DDHD1: variants seen among roughly 807,000 people sequenced by gnomAD.
DDHD1 encodes the protein DDHD domain containing 1, also known as phospholipase DDHD1.
In DDHD1, 49 loss-of-function variants were observed where a neutral mutation model predicts 96.4. That is an observed-to-expected ratio of 0.51 (90% CI 0.40 to 0.64). The LOEUF (loss-of-function observed/expected upper bound fraction) is 0.64. Among genes scored for constraint, DDHD1 ranks in the 30% least tolerant of loss-of-function variants. The pLI is 0.00. For synonymous variants in DDHD1, 442 were observed against 446.5 expected, an observed-to-expected ratio of 0.99 and a Z score of 0.13; for missense variants, 1,106 against 1,161.2, an observed-to-expected ratio of 0.95 and a Z score of 0.69.
chr14:53,107,926 T>C (rs1193091071), intron 1 of DDHD1, among the ~76,000 whole-genome samples: 1 of 152,130 alleles, frequency 6.6e-6, no homozygotes, highest in African/African-American at 2.4e-5. Context: ...GGTAAAGAAA[T>C]AGCCAATCAT....
chr14:53,084,194 A>G (rs1885731819), intron 4 of DDHD1, among the ~76,000 whole-genome samples: 1 of 152,210 alleles, frequency 6.6e-6, no homozygotes, highest in Admixed American at 6.5e-5. Flanking sequence ...GATTATATAA[A>G]TCACATTTGG....
Position 53,103,813 on chromosome 14 carries a change from G to C in DDHD1, c.882C>G (p.Asp294Glu). The C allele has an allele frequency of 6.2e-7, 1 of 1,611,446 alleles. No individual in the cohort carries two copies. Among genetic ancestry groups the C allele is most frequent in the Non-Finnish European group, 8.5e-7 (1 of 1,179,050 alleles). Residue 294 changes from aspartate to glutamate, a missense_variant, in exon 2 of 13, where the codon GAC becomes GAG. Physicochemically the swap from Asp to Glu is conservative, Grantham distance 45 (BLOSUM62 2). Transcript: ENST00000673822. ...CCTCTTCTAGAGGCTGCCAAGTGCC[G>C]TCAATAAACCACTGTCCACGCATTA... The part of the protein sequence containing the change: ...IPVMRGQWFI[D>E]GTWQPLEEEE...
At position 53,051,925 on chromosome 14, in the gene DDHD1, A is replaced by G; in HGVS notation, c.2440T>C (p.Phe814Leu). Residue 814 changes from phenylalanine to leucine, a missense_variant and splice_region_variant, in exon 12 of 13, where the codon TTC (phenylalanine) becomes CTC (leucine). Coordinates refer to ENST00000673822, the MANE Select transcript of DDHD1 (RefSeq NM_001160148.2). Reference protein sequence around the residue: ...SSSGFLDSAYFRLQESFFNLP... With the variant: ...SSSGFLDSAYLRLQESFFNLP... ...TTAAAGAACGATTCTTGAAGTCTGA[A>G]ATCTGTGAAAAAAAAACACAAGATG... The G allele has an allele frequency of 3.2e-6, 5 of 1,579,154 alleles. No individual in the cohort carries two copies. Among genetic ancestry groups the G allele is most frequent in the Non-Finnish European group, 4.3e-6 (5 of 1,160,934 alleles).
intron 4 of DDHD1, among the ~76,000 whole-genome samples, chr14:53,074,154 C>A (rs905093112): frequency 6.6e-6 from 1 of 151,920 alleles, no homozygotes; most frequent in African/African-American, 2.4e-5. Flanking sequence ...TGTGCCATCA[C>A]CCAGCTCCAA....
chr14:53,099,686 C>G (rs1159058884), intron 2 of DDHD1, among the ~76,000 whole-genome samples: 1 of 152,038 alleles, frequency 6.6e-6, no homozygotes, highest in African/African-American at 2.4e-5. Context: ...TAATGTTTAC[C>G]AAATTACTTG....
At chr14:53,133,570 T>A (rs1473727286) in intron 1 of DDHD1, among the ~76,000 whole-genome samples, 1 of 152,118 alleles carries the variant, frequency 6.6e-6, no homozygotes, top group African/African-American at 2.4e-5. Flanking sequence ...AAACTCAGCC[T>A]CCAACTTAAA....
intron 1 of DDHD1, among the ~76,000 whole-genome samples, chr14:53,105,941 T>TTC (rs140253551): frequency 0.031 from 4,676 of 151,444 alleles, 237 homozygotes; most frequent in African/African-American, 0.1. Flanking sequence ...GTTCCAGTGG[T>TTC]TCTCTCTCTC....
At chr14:53,122,185 A>G (rs1889048086) in intron 1 of DDHD1, among the ~76,000 whole-genome samples, 1 of 152,216 alleles carries the variant, frequency 6.6e-6, no homozygotes, top group South Asian at 2.1e-4. Context: ...GGCAGCGTCC[A>G]GGTGCTAACA....
intron 2 of DDHD1, among the ~76,000 whole-genome samples, chr14:53,099,491 A>G (rs1887139619): frequency 6.6e-6 from 1 of 152,132 alleles, no homozygotes; most frequent in African/African-American, 2.4e-5. Context: ...TCAGTCAGTT[A>G]TTTTGTAGAA....
chr14:53,125,177 G>C (rs1425403301), intron 1 of DDHD1, among the ~76,000 whole-genome samples: 2 of 152,136 alleles, frequency 1.3e-5, no homozygotes, highest in Non-Finnish European at 2.9e-5. Context: ...AAGACTCTTA[G>C]CCTTTTTGCA....
chr14:53,066,844 G>A (rs543172726), intron 6 of DDHD1, among the ~76,000 whole-genome samples: 38 of 151,332 alleles, frequency 2.5e-4, no homozygotes, highest in African/African-American at 8.7e-4. Context: ...GCTCGTGCCC[G>A]TAGTCCCAGC....
At chr14:53,110,260 C>T (rs538997539) in intron 1 of DDHD1, among the ~76,000 whole-genome samples, 9 of 152,302 alleles carry the variant, frequency 5.9e-5, no homozygotes, top group African/African-American at 2.2e-4. Flanking sequence ...TGTTTTATTT[C>T]AGAAGCCTCC....
chr14:53,118,090 TTAAC>T (rs1219316751), intron 1 of DDHD1, among the ~76,000 whole-genome samples: 2 of 151,896 alleles, frequency 1.3e-5, no homozygotes, highest in African/African-American at 4.8e-5. Flanking sequence ...AGAAGGAAAA[TTAAC>T]AAACAGAAAG....
rs1262665129 is a variant in DDHD1 at position 53,044,638 on chromosome 14, G to C, written c.*2130C>G. 2.0e-5 allele frequency: 3 copies of C among 152,224 alleles called. No individual in the cohort carries two copies. Among genetic ancestry groups the C allele is most frequent in the Non-Finnish European group, 2.9e-5 (2 of 68,044 alleles). 9.4% of individuals were successfully genotyped at this position (152,224 alleles called of 1,614,324 possible). On this transcript the variant is annotated 3_prime_UTR_variant, in exon 13 of 13. Coordinates refer to ENST00000673822, the MANE Select transcript of DDHD1 (RefSeq NM_001160148.2). ...AGTTCATAGGAATCTCTAAGTTAGA[G>C]ATAATTTAGCTTTGCTAAGATTTCA...
At chr14:53,113,580 G>A (rs551028578) in intron 1 of DDHD1, among the ~76,000 whole-genome samples, 140 of 151,924 alleles carry the variant, frequency 9.2e-4, no homozygotes, top group Non-Finnish European at 1.7e-3. Flanking sequence ...ATGAACCCAC[G>A]GAGAGTGAGC....
chr14:53,090,128 C>T (rs1156611348), intron 4 of DDHD1, among the ~76,000 whole-genome samples: 1 of 152,160 alleles, frequency 6.6e-6, no homozygotes, highest in Non-Finnish European at 1.5e-5. Context: ...AAAAAATGCT[C>T]ATCATCACTG....
intron 2 of DDHD1, among the ~76,000 whole-genome samples, chr14:53,096,653 C>T (rs1353788312): frequency 6.6e-6 from 1 of 151,848 alleles, no homozygotes; most frequent in Admixed American, 6.6e-5. Context: ...TCTAATGCAA[C>T]CTTCCTGAGA....
chr14:53,143,739 G>T (rs890492429), intron 1 of DDHD1, among the ~76,000 whole-genome samples: 1 of 152,214 alleles, frequency 6.6e-6, no homozygotes, highest in Non-Finnish European at 1.5e-5. Context: ...ATAAGCATGC[G>T]AGGGCAAATA....
chr14:53,140,625 A>G (rs1890581239), intron 1 of DDHD1, among the ~76,000 whole-genome samples: 1 of 152,188 alleles, frequency 6.6e-6, no homozygotes, highest in Admixed American at 6.5e-5. Flanking sequence ...GATAGAAGAG[A>G]ATCATTAAAC....
Sources: gnomAD v4.1 joint callset for allele counts (sites outside exome capture counted in the v4.1 genomes callset) on GRCh38, gnomAD v4.1.1 for gene constraint, MANE v1.5 for transcripts, NCBI Gene and HGNC (gene_info 2026-07-23, HGNC 2026-07-21) for gene names.